RIMS2: variants seen among roughly 807,000 people sequenced by gnomAD.
RIMS2 encodes regulating synaptic membrane exocytosis 2.
Under a neutral mutation model 174.4 loss-of-function variants are expected in RIMS2, and 59 were observed. The observed-to-expected ratio is 0.34, with a 90% CI of 0.27 to 0.42. The LOEUF is 0.42. RIMS2 is among the 10% of genes least tolerant of loss of function. The pLI is 1.00. For missense variants in RIMS2, 1,620 were observed against 1,666.3 expected (o/e 0.97, Z 0.48); for synonymous variants, 606 against 572.5 (o/e 1.06, Z -0.84).
chr8:103,943,054 GAATTGTTTGAAAAC>G, intron 14 of RIMS2, 128 bp downstream of exon 16: 1 of 672,132 alleles, frequency 1.5e-6, no homozygotes, highest in Non-Finnish European at 2.4e-6. Context: ...CCATAGCTAT[GAATTGTTTGAAAAC>G]AATTGTTTGA....
intron 1 of RIMS2, among the ~76,000 whole-genome samples, chr8:103,608,030 TC>T (rs1476720447): frequency 6.7e-6 from 1 of 148,362 alleles, no homozygotes; most frequent in African/African-American, 2.6e-5. Context: ...CCAGCTTTGT[TC>T]CGTTGCTGGT....
chr8:104,101,117 G>A (rs1440533272), intron 19 of RIMS2, among the ~76,000 whole-genome samples: 1 of 125,914 alleles, frequency 7.9e-6, no homozygotes, highest in Non-Finnish European at 1.7e-5. Flanking sequence ...TATTATATAT[G>A]TAATATATAT....
At chr8:103,675,587 A>G (rs2096798642) in intron 1 of RIMS2, among the ~76,000 whole-genome samples, 2 of 152,176 alleles carry the variant, frequency 1.3e-5, no homozygotes, top group Admixed American at 6.5e-5. Flanking sequence ...TAAAAATATT[A>G]AGGAAGCAGC....
At chr8:104,082,967 G>A (rs1476470567) in intron 19 of RIMS2, among the ~76,000 whole-genome samples, 3 of 152,072 alleles carry the variant, frequency 2.0e-5, no homozygotes, top group Admixed American at 6.5e-5. Flanking sequence ...AGTCCCATTA[G>A]GAGGCTATTG....
chr8:103,540,355 G>A (rs183899674), intron 1 of RIMS2, among the ~76,000 whole-genome samples: 2 of 152,286 alleles, frequency 1.3e-5, no homozygotes, highest in Non-Finnish European at 2.9e-5. Context: ...CACCATTGTG[G>A]CCATCCACAA....
chr8:103,749,602 CCTGAGA>C, intron 2 of RIMS2, among the ~76,000 whole-genome samples: 1 of 152,080 alleles, frequency 6.6e-6, no homozygotes, highest in Non-Finnish European at 1.5e-5. Flanking sequence ...TGAAGAAATA[CCTGAGA>C]CTGGGTGTAT....
At chr8:104,151,788 T>C (rs2134121792) in intron 19 of RIMS2, among the ~76,000 whole-genome samples, 1 of 152,224 alleles carries the variant, frequency 6.6e-6, no homozygotes, top group Admixed American at 6.5e-5. Context: ...TGAACGTGGC[T>C]GAAATTGCCC....
intron 2 of RIMS2, among the ~76,000 whole-genome samples, chr8:103,751,828 T>C (rs1261103526): frequency 2.6e-5 from 4 of 151,648 alleles, no homozygotes; most frequent in Non-Finnish European, 5.9e-5. Flanking sequence ...TTTGAGTTCA[T>C]TGTAGATTCT....
chr8:103,569,276 T>G (rs1291387616), intron 1 of RIMS2, among the ~76,000 whole-genome samples: 2 of 152,182 alleles, frequency 1.3e-5, no homozygotes, highest in Admixed American at 1.3e-4. Flanking sequence ...TCAGCACTAT[T>G]TGTTGTAAAT....
chr8:104,100,912 T>C (rs967256060), intron 19 of RIMS2, among the ~76,000 whole-genome samples: 3 of 137,114 alleles, frequency 2.2e-5, no homozygotes, highest in African/African-American at 5.5e-5. Flanking sequence ...ATATTATATG[T>C]AATATATTAT....
intron 1 of RIMS2, among the ~76,000 whole-genome samples, chr8:103,650,411 G>A (rs1417744997): frequency 6.6e-6 from 1 of 152,190 alleles, no homozygotes; most frequent in African/African-American, 2.4e-5. Context: ...ACAGGATCAG[G>A]GATCTGCCTA....
At position 103,676,580 on chromosome 8, in the gene RIMS2, C is replaced by CTT. The variant is rs35474500; in HGVS notation, c.177-20495_177-20494dup. On this transcript the variant is annotated intron_variant, in intron 1 of 23. Coordinates refer to ENST00000504942, the Ensembl canonical transcript of RIMS2. ...AAGCTTTTTATTTGCCTTTTAAAGT[C>CTT]TTTTTTTTTTTTAATAAAGAGGGAA... Among the ~76,000 whole-genome samples, 327 of 148,340 alleles carry CTT rather than the reference C, an allele frequency of 2.2e-3. 1 individual carries two copies. Among genetic ancestry groups the CTT allele is most frequent in the East Asian group, 0.016 (83 of 5,074 alleles).
At chr8:103,867,817 C>T (rs2099090958) in intron 3 of RIMS2, among the ~76,000 whole-genome samples, 1 of 151,940 alleles carries the variant, frequency 6.6e-6, no homozygotes, top group African/African-American at 2.4e-5. Flanking sequence ...AGTTAAGAGA[C>T]TGGAATGGTT....
intron 17 of RIMS2, among the ~76,000 whole-genome samples, chr8:104,005,572 A>C (rs1213357390): frequency 6.6e-6 from 1 of 152,238 alleles, no homozygotes; most frequent in Non-Finnish European, 1.5e-5. Context: ...GGTATGGAAG[A>C]GAGTATAGTA....
At chr8:103,557,038 T>C (rs544323845) in intron 1 of RIMS2, among the ~76,000 whole-genome samples, 1 of 152,312 alleles carries the variant, frequency 6.6e-6, no homozygotes, top group African/African-American at 2.4e-5. Flanking sequence ...TAAATAGAGT[T>C]AGGATCAGTG....
At chr8:103,588,436 A>C (rs866548326) in intron 1 of RIMS2, among the ~76,000 whole-genome samples, 1 of 151,988 alleles carries the variant, frequency 6.6e-6, no homozygotes, top group Non-Finnish European at 1.5e-5. Flanking sequence ...ACCATAAAAG[A>C]CCCAGAGTAG....
At chr8:103,959,687 G>A (rs2089184541) in intron 14 of RIMS2, among the ~76,000 whole-genome samples, 1 of 152,024 alleles carries the variant, frequency 6.6e-6, no homozygotes, top group African/African-American at 2.4e-5. Flanking sequence ...GCTTCCCAGA[G>A]TGCTAGGATT....
rs111994508 is a variant in RIMS2, at chr8:104,158,209, C to G, written c.3335-86707C>G. ...GATGGTTTCCAGCTTCATCCATGTC[C>G]CTGCGAAGGACATGAACTCGTCCTT... On this transcript the variant is annotated intron_variant, in intron 19 of 23. Coordinates refer to ENST00000504942, the Ensembl canonical transcript of RIMS2. Among the ~76,000 whole-genome samples, 495 of 152,174 alleles carry G rather than the reference C, an allele frequency of 3.3e-3. 4 individuals are homozygous for G. The highest frequency in any genetic ancestry group is 0.011 in the African/African-American group (455 of 41,494).
intron 3 of RIMS2, among the ~76,000 whole-genome samples, chr8:103,854,525 A>G (rs552258291): frequency 2.2e-4 from 33 of 150,306 alleles, no homozygotes; most frequent in Admixed American, 4.6e-4. Context: ...ATTTTGAGAC[A>G]TGTTGTTTTG....
Sources: allele counts gnomAD v4.1 joint callset (sites outside exome capture counted in the v4.1 genomes callset), GRCh38; gene constraint gnomAD v4.1.1; transcripts MANE v1.5; gene names NCBI Gene and HGNC (gene_info 2026-07-23, HGNC 2026-07-21).